Variants in CRACR2A observed in about 807,000 individuals in gnomAD.
The protein encoded by CRACR2A is EF-hand calcium-binding domain-containing protein 4B.
In CRACR2A, 79 loss-of-function variants were observed where a neutral mutation model predicts 90.5. The observed-to-expected ratio is 0.87, with a 90% CI of 0.73 to 1.05. The LOEUF (loss-of-function observed/expected upper bound fraction) is 1.05. Ranked by LOEUF, CRACR2A falls within the 50% of genes least tolerant of loss-of-function variation. The pLI is 0.00. For synonymous variants in CRACR2A, 338 were observed against 356.7 expected (o/e 0.95, Z 0.59); for missense variants, 823 against 897.2 (o/e 0.92, Z 1.06).
rs1424255025 is a variant in CRACR2A at position 3,648,628 on chromosome 12, A to G, written c.1047-15T>C. 1 of 1,607,326 alleles carries G rather than the reference A, an allele frequency of 6.2e-7. No homozygotes were observed. The highest frequency in any genetic ancestry group is 1.3e-5 in the African/African-American group (1 of 74,800). On this transcript the variant is annotated splice_polypyrimidine_tract_variant and intron_variant, in intron 10 of 19. Transcript: ENST00000440314. ...GGTACACTTCCCTGAGGAGGAGGCA[A>G]ACACATGGCAGTGAGCTCCCAGGTG...
chr12:3,635,499 C>A (rs1317328787), intron 14 of CRACR2A, among the ~76,000 whole-genome samples: 1 of 152,012 alleles, frequency 6.6e-6, no homozygotes, highest in Non-Finnish European at 1.5e-5. Context: ...GGTCACTATT[C>A]ATATCTTTTT....
At chr12:3,618,868 C>G (rs1565459132) in intron 18 of CRACR2A, among the ~76,000 whole-genome samples, 1 of 152,188 alleles carries the variant, frequency 6.6e-6, no homozygotes, top group Non-Finnish European at 1.5e-5. Flanking sequence ...AGGATGAACT[C>G]TCTAACACAG....
chr12:3,751,908 G>GGTT (rs1946710690), intron 1 of CRACR2A, among the ~76,000 whole-genome samples: 1 of 152,166 alleles, frequency 6.6e-6, no homozygotes, highest in South Asian at 2.1e-4. Context: ...TAAACCATGA[G>GGTT]GTTGTACATA....
intron 1 of CRACR2A, among the ~76,000 whole-genome samples, chr12:3,741,672 A>G (rs1374249282): frequency 6.6e-6 from 1 of 152,148 alleles, no homozygotes; most frequent in Non-Finnish European, 1.5e-5. Flanking sequence ...GCTGCCTAGC[A>G]TGGCTTCCCC....
rs528259753 is a variant in CRACR2A at position 3,750,305 on chromosome 12, G to C, written c.-387+2710C>G. On this transcript the variant is annotated intron_variant, in intron 1 of 19. Transcript: ENST00000440314. ...AGCGGCCTCCATGTGTGTCAGTGCA[G>C]AAAGCAAAACCTCTGGAGCCCAAGG... Among the ~76,000 whole-genome samples the C allele has an allele frequency of 1.5e-3, 233 of 152,260 alleles. 1 individual carries two copies. Among genetic ancestry groups the C allele is most frequent in the African/African-American group, 5.3e-3 (219 of 41,530 alleles).
At chr12:3,675,248 T>C (rs929975763) in intron 6 of CRACR2A, among the ~76,000 whole-genome samples, 1 of 152,208 alleles carries the variant, frequency 6.6e-6, no homozygotes, top group Non-Finnish European at 1.5e-5. Flanking sequence ...GTTAGTGTCA[T>C]GCTAGCAATG....
chr12:3,680,385 C>T (rs754519997), intron 4 of CRACR2A, 36 bp from the exon 5 acceptor site: 1 of 1,576,162 alleles, frequency 6.3e-7, no homozygotes, highest in East Asian at 2.2e-5. Flanking sequence ...TTAACACTGA[C>T]ACTCACTGGT....
At chr12:3,695,050 T>G (rs1027171644) in intron 4 of CRACR2A, among the ~76,000 whole-genome samples, 1 of 152,228 alleles carries the variant, frequency 6.6e-6, no homozygotes, top group Non-Finnish European at 1.5e-5. Context: ...CAATTCTCCA[T>G]GCCTCCTCAT....
At chr12:3,745,820 T>TAA (rs111237565) in intron 1 of CRACR2A, among the ~76,000 whole-genome samples, 3 of 11,236 alleles carry the variant, frequency 2.7e-4, no homozygotes, top group Non-Finnish European at 6.8e-4. Flanking sequence ...TAAAATAAAA[T>TAA]AAAATAAAGA....
chr12:3,693,410 C>A (rs752620562), intron 4 of CRACR2A, among the ~76,000 whole-genome samples: 1 of 152,214 alleles, frequency 6.6e-6, no homozygotes, highest in Non-Finnish European at 1.5e-5. Context: ...GACAAGACCG[C>A]CCTGCAGAGT....
At chr12:3,734,244 T>C (rs181614487) in intron 1 of CRACR2A, among the ~76,000 whole-genome samples, 28 of 150,814 alleles carry the variant, frequency 1.9e-4, no homozygotes, top group African/African-American at 5.3e-4. Flanking sequence ...CCCAAAGTGC[T>C]GGGATTACAG....
At chr12:3,630,800 G>A (rs1944363831) in intron 15 of CRACR2A, among the ~76,000 whole-genome samples, 1 of 152,222 alleles carries the variant, frequency 6.6e-6, no homozygotes. Context: ...AGGTGGGGCA[G>A]GCAGGACGCC....
chr12:3,679,970 G>A lies in CRACR2A; in HGVS notation c.340+268C>T, dbSNP rs150490013. Among the ~76,000 whole-genome samples, 563 of 152,246 alleles carry A rather than the reference G, an allele frequency of 3.7e-3. 4 individuals are homozygous for A. The highest frequency in any genetic ancestry group is 6.4e-3 in the Non-Finnish European group (438 of 68,012). On this transcript the variant is annotated intron_variant, in intron 5 of 19. Coordinates refer to ENST00000440314, the MANE Select transcript of CRACR2A (RefSeq NM_001144958.2). ...ATGCTATGGCTTCTGCAGAGCTTCC[G>A]TCCATCTCCCTTGCCAGTCCCAGTG...
rs1396193929 is a variant in CRACR2A at position 3,636,928 on chromosome 12, T to C, written c.1602+1196A>G. Among the ~76,000 whole-genome samples, 4 of 152,238 alleles carry C rather than the reference T, an allele frequency of 2.6e-5. No homozygotes were observed. In the East Asian group the frequency reaches 7.7e-4, roughly 29 times the overall value. Reference sequence around the variant, plus strand: ...AAGGCGGCAAAGGCTCAGTTCTCAATGGCTGCCGCGGCGTGCAGGGCGGAG... The same window carrying C: ...AAGGCGGCAAAGGCTCAGTTCTCAACGGCTGCCGCGGCGTGCAGGGCGGAG... On this transcript the variant is annotated intron_variant, in intron 14 of 19. Transcript: ENST00000440314.
chr12:3,622,728 A>G (rs1051603470), intron 17 of CRACR2A, among the ~76,000 whole-genome samples: 2 of 152,210 alleles, frequency 1.3e-5, no homozygotes, highest in African/African-American at 2.4e-5. Flanking sequence ...CTGGAGCTAG[A>G]GCAAAAATTT....
At chr12:3,747,752 G>A (rs534709771) in intron 1 of CRACR2A, among the ~76,000 whole-genome samples, 10 of 152,326 alleles carry the variant, frequency 6.6e-5, no homozygotes, top group East Asian at 3.9e-4. Flanking sequence ...TGCAGGTTCC[G>A]GGAGGAGGGC....
At chr12:3,666,387 A>G (rs960575283) in intron 7 of CRACR2A, among the ~76,000 whole-genome samples, 3 of 147,848 alleles carry the variant, frequency 2.0e-5, no homozygotes, top group Non-Finnish European at 3.0e-5. Context: ...GCACGCGCGC[A>G]CACGCTCATG....
chr12:3,730,439 T>A (rs765829820), intron 2 of CRACR2A: 2 of 152,218 alleles, frequency 1.3e-5, no homozygotes, highest in Non-Finnish European at 2.9e-5. Flanking sequence ...TTCTGTTGAT[T>A]ATTCAAAGAT....
intron 17 of CRACR2A, among the ~76,000 whole-genome samples, chr12:3,627,219 A>T (rs1334109188): frequency 6.6e-6 from 1 of 152,132 alleles, no homozygotes; most frequent in Non-Finnish European, 1.5e-5. Context: ...GAGGGCAGGG[A>T]CTGTGTCTGT....
Sources: allele counts gnomAD v4.1 joint callset (sites outside exome capture counted in the v4.1 genomes callset), GRCh38; gene constraint gnomAD v4.1.1; transcripts MANE v1.5; gene names NCBI Gene and HGNC (gene_info 2026-07-23, HGNC 2026-07-21).